THAP4: variants seen among roughly 807,000 people sequenced by gnomAD.
The protein encoded by THAP4 is THAP domain containing 4, also known as peroxynitrite isomerase THAP4.
A neutral mutation model predicts 48.1 loss-of-function variants in THAP4; 18 were observed. The ratio of observed to expected loss-of-function variants is 0.37; its 90% CI spans 0.26 to 0.56. The LOEUF (loss-of-function observed/expected upper bound fraction) is 0.56, where lower values mean the gene tolerates loss of function less well. Ranked by LOEUF, THAP4 falls within the 20% of genes least tolerant of loss-of-function variation. The probability of loss-of-function intolerance (pLI) is 0.78; values close to 1 mark genes in which losing one functional copy is unlikely to be tolerated. For missense variants in THAP4, 656 were observed against 774.9 expected (o/e 0.85, Z 1.82); for synonymous variants, 345 against 324.9 (o/e 1.06, Z -0.66).
At chr2:241,600,659 C>G (rs1239480018) in intron 5 of THAP4, among the ~76,000 whole-genome samples, 1 of 140,456 alleles carries the variant, frequency 7.1e-6, no homozygotes, top group African/African-American at 2.7e-5. Flanking sequence ...ACCCAGGAGG[C>G]AGAACATGCA....
At chr2:241,617,531 C>T in intron 2 of THAP4, 1 of 1,414,996 alleles carries the variant, frequency 7.1e-7, no homozygotes, top group Non-Finnish European at 9.6e-7. Flanking sequence ...TGAATGCTAA[C>T]TTTAAATGGT....
intron 5 of THAP4, among the ~76,000 whole-genome samples, chr2:241,594,068 C>A (rs777831951): frequency 2.0e-5 from 3 of 152,188 alleles, no homozygotes; most frequent in Non-Finnish European, 4.4e-5. Flanking sequence ...CAGCACATCA[C>A]CAATGGAATA....
Position 241,603,047 on chromosome 2 carries a change from G to A in THAP4, c.1433C>T (p.Pro478Leu), listed in dbSNP as rs2067136349. The change falls in exon 4 of 6, where the codon CCG becomes CTG. Residue 478 changes from proline (P) to leucine (L), a missense_variant. Coordinates refer to ENST00000407315, the MANE Select transcript of THAP4 (RefSeq NM_015963.6). ...AATGAAGCCACACTCTCTGTGCATC[G>A]GCTTGCGCGTGTCCGGGTGGAAGGA... Reference protein sequence around the residue: ...FNSFHPDTRKPMHRECGFIRL... With the variant: ...FNSFHPDTRKLMHRECGFIRL... 2 of 1,614,062 alleles carry A rather than the reference G, an allele frequency of 1.2e-6. No individual in the cohort carries two copies. The highest frequency in any genetic ancestry group is 1.7e-6 in the Non-Finnish European group (2 of 1,179,970).
intron 5 of THAP4, among the ~76,000 whole-genome samples, chr2:241,588,655 G>A (rs2066919880): frequency 6.6e-6 from 1 of 152,174 alleles, no homozygotes; most frequent in Non-Finnish European, 1.5e-5. Context: ...TTCGACAAAA[G>A]CACTGCATAC....
intron 2 of THAP4, among the ~76,000 whole-genome samples, chr2:241,630,393 C>CA (rs994404055): frequency 9.2e-5 from 14 of 152,244 alleles, no homozygotes; most frequent in African/African-American, 3.4e-4. Context: ...AACAACAACT[C>CA]AGAGACACGA....
Position 241,636,982 on chromosome 2 carries a change from G to C in THAP4, c.36C>G (p.Asn12Lys), listed in dbSNP as rs2067677581. 1 of 1,330,014 alleles carries C rather than the reference G, an allele frequency of 7.5e-7. No homozygotes were observed. The highest frequency in any genetic ancestry group is 9.8e-7 in the Non-Finnish European group (1 of 1,017,366). The allele number at this position is 1,330,014 out of a possible 1,614,324, so 82.4% of individuals were successfully genotyped here. Residue 12 changes from asparagine (N) to lysine (K), a missense_variant, in exon 1 of 6, where the codon AAC becomes AAG. Asn to Lys is a moderately conservative substitution (Grantham distance 94). Coordinates refer to ENST00000407315, the MANE Select transcript of THAP4 (RefSeq NM_015963.6). ...VICCAAVNCS[N>K]RQGKGEKRAV... ...CGCGCTTCTCGCCCTTTCCCTGCCG[G>C]TTGGAGCAGTTCACGGCCGCACAGC...
In THAP4 at chr2:241,601,819, C is replaced by A. The variant is rs570775662; in HGVS notation, c.1614+77G>T. 1.3e-6 allele frequency: 2 copies of A among 1,588,488 alleles called. No homozygotes were observed. Among genetic ancestry groups the A allele is most frequent in the African/African-American group, 2.7e-5 (2 of 74,594 alleles). On this transcript the variant is annotated intron_variant, in intron 5 of 5. Coordinates refer to ENST00000407315, the MANE Select transcript of THAP4 (RefSeq NM_015963.6). This position sits in a 1 kb window ranked among gnomAD's most constrained non-coding sequence, Gnocchi z 4.0. Reference sequence around the variant, plus strand: ...CAGTGGCAAGACACGCACTACCTCACGGAAGAGGAAGAGGCTGACTCCACA... The same window carrying A: ...CAGTGGCAAGACACGCACTACCTCAAGGAAGAGGAAGAGGCTGACTCCACA...
intron 2 of THAP4, among the ~76,000 whole-genome samples, chr2:241,621,424 AG>A (rs2067428113): frequency 6.6e-6 from 1 of 152,220 alleles, no homozygotes; most frequent in Non-Finnish European, 1.5e-5. Flanking sequence ...GTGATAGGCA[AG>A]AAAACATGGG....
At position 241,633,085 on chromosome 2, in the gene THAP4, G is replaced by A; in HGVS notation, c.1072C>T (p.Gln358Ter). 6.2e-7 allele frequency: 1 copy of A among 1,614,068 alleles called. No homozygotes were observed. The highest frequency in any genetic ancestry group is 8.5e-7 in the Non-Finnish European group (1 of 1,180,036). ...YCFSSRQNKS[Q>*]VCCLREQVEK... Reference sequence around the variant, plus strand: ...ACCTGCTCCCGCAGGCAGCACACCTGGCTCTTGTTCTGCCGGGAGGAGAAG... The same window carrying A: ...ACCTGCTCCCGCAGGCAGCACACCTAGCTCTTGTTCTGCCGGGAGGAGAAG... The change falls in exon 2 of 6, where the codon CAG becomes TAG. Residue 358 changes from glutamine (Q) to a stop codon, truncating the protein, a stop_gained. Transcript: ENST00000407315. LOFTEE classifies it high-confidence loss of function. This position sits in a 1 kb window ranked among gnomAD's most constrained non-coding sequence, Gnocchi z 7.5.
intron 3 of THAP4, among the ~76,000 whole-genome samples, chr2:241,606,003 G>A (rs1021093808): frequency 6.6e-6 from 1 of 152,160 alleles, no homozygotes; most frequent in African/African-American, 2.4e-5. Flanking sequence ...ATGAGCTACC[G>A]CACTGGCCAG....
In THAP4 at chr2:241,603,024, T is replaced by A; in HGVS notation, c.1456A>T (p.Ile486Phe). 1 of 1,614,192 alleles carries A rather than the reference T, an allele frequency of 6.2e-7. No homozygotes were observed. Among genetic ancestry groups the A allele is most frequent in the Non-Finnish European group, 8.5e-7 (1 of 1,179,996 alleles). The part of the protein sequence containing the change: ...RKPMHRECGF[I>F]RLKPDTNKVA... Reference sequence around the variant, plus strand: ...TTGTTGGTGTCGGGCTTGAGGCGAATGAAGCCACACTCTCTGTGCATCGGC... The same window carrying A: ...TTGTTGGTGTCGGGCTTGAGGCGAAAGAAGCCACACTCTCTGTGCATCGGC... The change falls in exon 4 of 6, where the codon ATT becomes TTT. Residue 486 changes from isoleucine to phenylalanine, a missense_variant. By Grantham distance (21) the Ile-to-Phe change is conservative. Around this residue, in one of 4 missense-constraint regions of THAP4, gnomAD observed 176 missense variants for 256.7 expected, o/e 0.69. Coordinates refer to ENST00000407315, the MANE Select transcript of THAP4 (RefSeq NM_015963.6).
intron 5 of THAP4, among the ~76,000 whole-genome samples, chr2:241,593,497 A>G (rs2067012312): frequency 6.6e-6 from 1 of 152,180 alleles, no homozygotes; most frequent in South Asian, 2.1e-4. Context: ...AATGAGACGC[A>G]CACGGGGACC....
chr2:241,584,546 GGA>G lies in THAP4; in HGVS notation c.*58_*59del. 1 of 1,601,950 alleles carries G rather than the reference GGA, an allele frequency of 6.2e-7. No homozygotes were observed. The highest frequency in any genetic ancestry group is 8.5e-7 in the Non-Finnish European group (1 of 1,170,236). Reference sequence around the variant, plus strand: ...TTCTGCCGCAGGGACTGTCTGTTGAGGAGCCGAACCGTTGAGGCACAGTAGCC... The same window carrying G: ...TTCTGCCGCAGGGACTGTCTGTTGAGGCCGAACCGTTGAGGCACAGTAGCC... On this transcript the variant is annotated 3_prime_UTR_variant, in exon 6 of 6. Transcript: ENST00000407315.
rs1333551724 is a variant in THAP4, at chr2:241,633,867, T to C, written c.290A>G (p.His97Arg). 1 of 1,613,884 alleles carries C rather than the reference T, an allele frequency of 6.2e-7. No individual in the cohort carries two copies. The change falls in exon 2 of 6, where the codon CAT becomes CGT. Residue 97 changes from histidine (H) to arginine (R), a missense_variant. Physicochemically the swap from His to Arg is conservative, Grantham distance 29. Transcript: ENST00000407315. This position sits in a 1 kb window ranked among gnomAD's most constrained non-coding sequence, Gnocchi z 7.5. ...GGCATCTTTTCTCCGGGTGCGGCCA[T>C]GGCCTCCAGCCCCCCTCTTCTTCTC... ...LTEKKRGAGG[H>R]GRTRRKDASK... is the part of the protein sequence containing the mutation.
intron 5 of THAP4, among the ~76,000 whole-genome samples, chr2:241,594,141 T>C (rs1275651203): frequency 6.6e-6 from 1 of 152,156 alleles, no homozygotes; most frequent in Non-Finnish European, 1.5e-5. Flanking sequence ...TCTGGAAACC[T>C]TACACTAAGT....
At position 241,592,530 on chromosome 2, in the gene THAP4, T is replaced by C. The variant is rs867461645; in HGVS notation, c.1615-7805A>G. ...TCCACCAGGCTCAGTACACAGCTCA[T>C]TGAGGCATTGCTACCCTCTGTGGGG... On this transcript the variant is annotated intron_variant, in intron 5 of 5. Coordinates refer to ENST00000407315, the MANE Select transcript of THAP4 (RefSeq NM_015963.6). 1.4e-4 allele frequency among the ~76,000 whole-genome samples: 21 copies of C among 152,264 alleles called. No homozygotes were observed. In the East Asian group the frequency reaches 2.9e-3, roughly 21 times the overall value.
chr2:241,619,480 AGT>A (rs1242503043), intron 2 of THAP4, among the ~76,000 whole-genome samples: 3 of 152,268 alleles, frequency 2.0e-5, no homozygotes, highest in Non-Finnish European at 4.4e-5. Flanking sequence ...TACACACCCC[AGT>A]GTGTTACTGA....
At chr2:241,615,465 C>G (rs1251249794) in intron 2 of THAP4, among the ~76,000 whole-genome samples, 1 of 152,156 alleles carries the variant, frequency 6.6e-6, no homozygotes, top group Admixed American at 6.5e-5. Context: ...TCTGGGTGGC[C>G]TCAGAGCAGG....
At position 241,616,268 on chromosome 2, in the gene THAP4, G is replaced by C. The variant is rs940674292; in HGVS notation, c.1241-9795C>G. Among the ~76,000 whole-genome samples the C allele has an allele frequency of 5.3e-5, 8 of 152,220 alleles. No homozygotes were observed. Among genetic ancestry groups the C allele is most frequent in the Non-Finnish European group, 8.8e-5 (6 of 68,040 alleles). The stretch of plus-strand genomic sequence containing the variant: ...AGAGTGAGATAAGAGGGATGGGTGG[G>C]CTGGAGATGGCCAGCAGCTGGCATT... On this transcript the variant is annotated intron_variant, in intron 2 of 5. Transcript: ENST00000407315. The surrounding 1 kb of genome is among the most constrained non-coding windows in gnomAD (Gnocchi z 4.6).
Sources: allele counts gnomAD v4.1 joint callset (sites outside exome capture counted in the v4.1 genomes callset), GRCh38; gene constraint gnomAD v4.1.1; regional missense constraint gnomAD v4.1.1; non-coding constraint Gnocchi (gnomAD v3.1); transcripts MANE v1.5; gene names NCBI Gene and HGNC (gene_info 2026-07-23, HGNC 2026-07-21).